KDM5A: variants seen among roughly 807,000 people sequenced by gnomAD.
The protein encoded by KDM5A is lysine demethylase 5A, also known as lysine-specific demethylase 5A.
A neutral mutation model predicts 193.5 loss-of-function variants in KDM5A; 42 were observed. That is an observed-to-expected ratio of 0.22 (90% CI 0.17 to 0.28). KDM5A has a LOEUF of 0.28. Ranked by LOEUF, KDM5A falls within the 10% of genes least tolerant of loss-of-function variation. The pLI is 1.00. For missense variants in KDM5A, 1,692 were observed against 2,055.1 expected, an observed-to-expected ratio of 0.82 and a Z score of 3.42; for synonymous variants, 796 against 718.1, an observed-to-expected ratio of 1.11 and a Z score of -1.73.
At chr12:345,417 C>T (rs765096926) in intron 10 of KDM5A, among the ~76,000 whole-genome samples, 49 of 152,246 alleles carry the variant, frequency 3.2e-4, no homozygotes, top group Non-Finnish European at 6.2e-4. Flanking sequence ...AAAAAGCAGA[C>T]CTAATAGACA....
rs764135923 is a variant in KDM5A at position 389,195 on chromosome 12, C to T, written c.-104G>A. 1.2e-5 allele frequency: 13 copies of T among 1,077,028 alleles called. No individual in the cohort carries two copies. Among genetic ancestry groups the T allele is most frequent in the Non-Finnish European group, 1.7e-5 (12 of 695,426 alleles). 66.7% of individuals were successfully genotyped at this position (1,077,028 alleles called of 1,614,324 possible). On this transcript the variant is annotated 5_prime_UTR_variant, in exon 1 of 28. It removes an upstream start codon present in the reference 5' UTR. Transcript: ENST00000399788. ...AAGTCCCCTGACAGAGGCCGAAGCGCATCTTCGCGGACAAGAACCGTTCAA... is the reference window on the plus strand; with the variant it reads ...AAGTCCCCTGACAGAGGCCGAAGCGTATCTTCGCGGACAAGAACCGTTCAA...
intron 3 of KDM5A, among the ~76,000 whole-genome samples, chr12:370,844 C>G (rs1339486665): frequency 6.6e-6 from 1 of 152,178 alleles, no homozygotes; most frequent in Non-Finnish European, 1.5e-5. Flanking sequence ...CAATTCCCAC[C>G]TATCAGTGAG....
chr12:356,475 C>A lies in KDM5A; in HGVS notation c.735G>T (p.Gly245=). Residue 245 remains glycine, a synonymous_variant, in exon 6 of 28, where the codon GGG becomes GGT. Coordinates refer to ENST00000399788, the MANE Select transcript of KDM5A (RefSeq NM_001042603.3). ...ELKKLQIFGA[G]PKVVGLAMGT... Reference sequence around the variant, plus strand: ...CCATTGCCAAGCCCACAACCTTGGGCCCAGCCCCAAAAATCTGAAGTTTCT... The same window carrying A: ...CCATTGCCAAGCCCACAACCTTGGGACCAGCCCCAAAAATCTGAAGTTTCT... The A allele has an allele frequency of 1.2e-6, 2 of 1,613,670 alleles. No homozygotes were observed. The highest frequency in any genetic ancestry group is 1.1e-5 in the South Asian group (1 of 91,074).
At position 311,329 on chromosome 12, in the gene KDM5A, CT is replaced by C. The variant is rs1943583988; in HGVS notation, c.3037-266del. On this transcript the variant is annotated intron_variant, in intron 20 of 27. Coordinates refer to ENST00000399788, the MANE Select transcript of KDM5A (RefSeq NM_001042603.3). ...TATAACAACCAGTTCAAAGGACAAT[CT>C]AAAGCACAGACATATATAAACACAG... The C allele has an allele frequency of 6.6e-6, 3 of 452,120 alleles. No homozygotes were observed. The Admixed American group carries it at 1.0e-4, about 15-fold the overall frequency. The allele number at this position is 452,120 out of a possible 1,614,324, so 28.0% of individuals were successfully genotyped here.
At chr12:374,691 T>C (rs1289863258) in intron 3 of KDM5A, among the ~76,000 whole-genome samples, 1 of 152,232 alleles carries the variant, frequency 6.6e-6, no homozygotes, top group Non-Finnish European at 1.5e-5. Context: ...CAGTTTGGCA[T>C]GTTTTTGCAG....
Position 295,782 on chromosome 12 carries a change from G to C in KDM5A, c.4246C>G (p.Pro1416Ala), listed in dbSNP as rs762321763. The change falls in exon 26 of 28, where the codon CCA becomes GCA. Residue 1416 changes from proline to alanine, a missense_variant. Physicochemically the swap from Pro to Ala is conservative, Grantham distance 27. This residue lies in a region of KDM5A where 965 missense variants were observed against 1,061.0 expected (regional missense o/e 0.91). Transcript: ENST00000399788. ...SKSCSQGSST[P>A]RKQPRKSPLV... ...GGGCTCTTCCGAGGTTGTTTCCTTG[G>C]GGTGCTAGAACCTTTCCCAAAAAAT... is the stretch of plus-strand genomic sequence containing the variant. The C allele has an allele frequency of 5.6e-6, 9 of 1,613,872 alleles. No individual in the cohort carries two copies. The highest frequency in any genetic ancestry group is 6.8e-6 in the Non-Finnish European group (8 of 1,179,924).
chr12:346,307 GA>G, intron 10 of KDM5A, among the ~76,000 whole-genome samples: 1 of 152,276 alleles, frequency 6.6e-6, no homozygotes, highest in African/African-American at 2.4e-5. Flanking sequence ...GGACCAGATG[GA>G]TTCACAGCCA....
intron 26 of KDM5A, among the ~76,000 whole-genome samples, chr12:293,860 A>G (rs2137367085): frequency 6.6e-6 from 1 of 151,952 alleles, no homozygotes; most frequent in Non-Finnish European, 1.5e-5. Flanking sequence ...ATACTATTCA[A>G]TGAAGATAAC....
At chr12:314,385 C>T (rs7970107) in intron 19 of KDM5A, among the ~76,000 whole-genome samples, 3,246 of 151,966 alleles carry the variant, frequency 0.021, 96 homozygotes, top group African/African-American at 0.074. Context: ...TTAGTAGAGA[C>T]GGGGTTTCAC....
intron 25 of KDM5A, 65 bp downstream of exon 25, chr12:296,976 A>T: frequency 6.6e-7 from 1 of 1,513,110 alleles, no homozygotes; most frequent in Non-Finnish European, 9.1e-7. Context: ...AGTCTTGATT[A>T]ACATAATGCT....
chr12:389,015 C>G lies in KDM5A; in HGVS notation c.77G>C (p.Trp26Ser). 1 of 1,614,072 alleles carries G rather than the reference C, an allele frequency of 6.2e-7. No homozygotes were observed. The highest frequency in any genetic ancestry group is 8.5e-7 in the Non-Finnish European group (1 of 1,179,998). Residue 26 changes from tryptophan (W) to serine (S), a missense_variant, in exon 1 of 28, where the codon TGG (tryptophan) becomes TCG (serine). Trp to Ser is a radical substitution (Grantham distance 177, BLOSUM62 -3). This residue lies in a region of KDM5A where 84 missense variants were observed against 68.2 expected (regional missense o/e 1.23). Transcript: ENST00000399788. Reference sequence around the variant, plus strand: ...GCTGAGCGGATCTGTGAACTCCTCCCAACTCGGCTCAAAGACGGGGCACTC... The same window carrying G: ...GCTGAGCGGATCTGTGAACTCCTCCGAACTCGGCTCAAAGACGGGGCACTC... ...PPECPVFEPS[W>S]EEFTDPLSFI...
At position 307,098 on chromosome 12, in the gene KDM5A, C is replaced by A; in HGVS notation, c.3931-9G>T. ...AAACTAGGTAAGTGTCCCTAAACAACAAATAATTCCAAGATGAACAGCAAG... is the reference window on the plus strand; with the variant it reads ...AAACTAGGTAAGTGTCCCTAAACAAAAAATAATTCCAAGATGAACAGCAAG... On this transcript the variant is annotated splice_polypyrimidine_tract_variant and intron_variant, in intron 23 of 27. Transcript: ENST00000399788. The surrounding 1 kb of genome is among the most constrained non-coding windows in gnomAD (Gnocchi z 4.3). The A allele has an allele frequency of 6.2e-7, 1 of 1,614,050 alleles. No individual in the cohort carries two copies. The highest frequency in any genetic ancestry group is 8.5e-7 in the Non-Finnish European group (1 of 1,179,980).
At chr12:378,161 T>G (rs536692149) in intron 3 of KDM5A, among the ~76,000 whole-genome samples, 2 of 152,240 alleles carry the variant, frequency 1.3e-5, no homozygotes, top group African/African-American at 4.8e-5. Flanking sequence ...GCATATTACT[T>G]GGAAATATGA....
In KDM5A at chr12:313,197, A is replaced by C. The variant is rs749436006; in HGVS notation, c.2898-3T>G. 4 of 1,614,052 alleles carry C rather than the reference A, an allele frequency of 2.5e-6. No homozygotes were observed. Among genetic ancestry groups the C allele is most frequent in the Non-Finnish European group, 3.4e-6 (4 of 1,179,916 alleles). ...AACTTGCCACACTGTGCCTCGGTCT[A>C]AAAGAACAATAAAAACAGAGTAGGA... On this transcript the variant is annotated splice_polypyrimidine_tract_variant and splice_region_variant and intron_variant, in intron 19 of 27. Coordinates refer to ENST00000399788, the MANE Select transcript of KDM5A (RefSeq NM_001042603.3).
At chr12:340,694 C>CAAAAAAAAAA (rs375465074) in intron 10 of KDM5A, among the ~76,000 whole-genome samples, 3 of 51,124 alleles carry the variant, frequency 5.9e-5, no homozygotes, top group African/African-American at 1.2e-4. Flanking sequence ...GACTCCATCA[C>CAAAAAAAAAA]AAAAAAAAAA....
At chr12:314,189 T>G (rs1943622784) in intron 19 of KDM5A, among the ~76,000 whole-genome samples, 1 of 151,736 alleles carries the variant, frequency 6.6e-6, no homozygotes, top group Admixed American at 6.6e-5. Context: ...TGACAGTCCT[T>G]GCCTCATGAA....
At chr12:302,989 T>C (rs1204879738) in intron 24 of KDM5A, among the ~76,000 whole-genome samples, 1 of 152,122 alleles carries the variant, frequency 6.6e-6, no homozygotes, top group African/African-American at 2.4e-5. Context: ...CCAGCTAAAA[T>C]GGCAATCATT....
intron 10 of KDM5A, 123 bp downstream of exon 10, chr12:350,498 G>A: frequency 1.1e-6 from 1 of 878,590 alleles, no homozygotes; most frequent in East Asian, 2.6e-5. Context: ...CAAAACTGAA[G>A]ATTATTTATA....
chr12:349,950 G>A (rs1944133235), intron 10 of KDM5A, among the ~76,000 whole-genome samples: 1 of 151,636 alleles, frequency 6.6e-6, no homozygotes. Flanking sequence ...CCAACATGGA[G>A]AAACCCCATC....
Sources: gnomAD v4.1 joint callset for allele counts (sites outside exome capture counted in the v4.1 genomes callset) on GRCh38, gnomAD v4.1.1 for gene constraint, gnomAD v4.1.1 regional missense constraint, Gnocchi (gnomAD v3.1) non-coding constraint, MANE v1.5 for transcripts, NCBI Gene and HGNC (gene_info 2026-07-23, HGNC 2026-07-21) for gene names.